Variants in ZNF10 observed in about 807,000 individuals in gnomAD.
ZNF10 encodes the protein zinc finger protein 10.
A neutral mutation model predicts 12.2 loss-of-function variants in ZNF10; 8 were observed. That is an observed-to-expected ratio of 0.66 (90% CI 0.39 to 1.18). The LOEUF (loss-of-function observed/expected upper bound fraction) is 1.18. Ranked by LOEUF, ZNF10 falls within the 50% of genes most tolerant of loss-of-function variation. ZNF10 has a pLI of 0.01. For missense variants in ZNF10, 603 were observed against 678.9 expected (o/e 0.89, Z 1.24); for synonymous variants, 229 against 228.2 (o/e 1.00, Z -0.03).
At chr12:133,155,087 AAAAG>A (rs924396715) in intron 4 of ZNF10, among the ~76,000 whole-genome samples, 7 of 152,182 alleles carry the variant, frequency 4.6e-5, no homozygotes, top group South Asian at 2.1e-4. Context: ...AAAAAAAAAA[AAAAG>A]AGAGAGAATA....
chr12:133,148,309 C>G (rs1035807076), intron 2 of ZNF10, among the ~76,000 whole-genome samples: 1 of 151,984 alleles, frequency 6.6e-6, no homozygotes, highest in Non-Finnish European at 1.5e-5. Context: ...TTAGTAGAAA[C>G]GGCATTTCAC....
intron 4 of ZNF10, 21 bp from the exon 5 acceptor site, chr12:133,155,482 A>G: frequency 6.4e-7 from 1 of 1,558,124 alleles, no homozygotes; most frequent in Non-Finnish European, 8.6e-7. Flanking sequence ...TAGTTACACA[A>G]ACATTTTTCA....
chr12:133,130,714 G>A lies in ZNF10; in HGVS notation c.-100G>A, dbSNP rs1050399443. 2 of 152,510 alleles carry A rather than the reference G, an allele frequency of 1.3e-5. No homozygotes were observed. The highest frequency in any genetic ancestry group is 2.9e-5 in the Non-Finnish European group (2 of 68,110). The allele number at this position is 152,510 out of a possible 1,614,324, so 9.4% of individuals were successfully genotyped here. ...GCTGTTGCTGCTGCCTTTGTGACGG[G>A]ATCGCTTTCTCCCATCGAACCTTCT... On this transcript the variant is annotated 5_prime_UTR_variant, in exon 1 of 5. Coordinates refer to ENST00000248211, the MANE Select transcript of ZNF10 (RefSeq NM_015394.5).
intron 4 of ZNF10, among the ~76,000 whole-genome samples, chr12:133,152,199 A>G (rs572701222): frequency 1.3e-5 from 2 of 152,144 alleles, no homozygotes; most frequent in Admixed American, 6.5e-5. Context: ...CACTTCTTGC[A>G]TTTTTGCCTC....
intron 1 of ZNF10, among the ~76,000 whole-genome samples, chr12:133,139,883 G>A (rs953541144): frequency 1.3e-5 from 2 of 151,948 alleles, no homozygotes; most frequent in African/African-American, 4.8e-5. Flanking sequence ...AACATAATGA[G>A]ACCCCTATCG....
At chr12:133,139,100 G>A (rs1955929635) in intron 1 of ZNF10, 1 of 152,204 alleles carries the variant, frequency 6.6e-6, no homozygotes, top group South Asian at 2.1e-4. Context: ...TGTACCTGAT[G>A]TCAGAAACTT....
Position 133,156,606 on chromosome 12 carries a change from AC to A in ZNF10, c.1363del (p.His455ThrfsTer79). 8 of 1,614,062 alleles carry A rather than the reference AC, an allele frequency of 5.0e-6. No individual in the cohort carries two copies. Among genetic ancestry groups the A allele is most frequent in the Non-Finnish European group, 6.8e-6 (8 of 1,179,998 alleles). On this transcript the variant is annotated frameshift_variant, in exon 5 of 5. Coordinates refer to ENST00000248211, the MANE Select transcript of ZNF10 (RefSeq NM_015394.5). LOFTEE classifies it low-confidence loss of function (END_TRUNC). ...RSSHLYSHQR[T>X]HTGEKPYECH... Reference sequence around the variant, plus strand: ...CTCTCACCTTTATTCACATCAAAGAACCCACACTGGAGAGAAACCATATGAG... The same window carrying A: ...CTCTCACCTTTATTCACATCAAAGAACCACACTGGAGAGAAACCATATGAG...
Position 133,158,665 on chromosome 12 carries a change from A to G in ZNF10, c.*1697A>G, listed in dbSNP as rs558112943. The G allele has an allele frequency of 6.6e-6, 1 of 152,328 alleles. No individual in the cohort carries two copies. The highest frequency in any genetic ancestry group is 2.1e-4 in the South Asian group (1 of 4,828). The allele number at this position is 152,328 out of a possible 1,614,324, so 9.4% of individuals were successfully genotyped here. ...TGACCATGATTCTCCATTTTCTGGC[A>G]TAAATATTAGCTGCTCAATGATTGA... On this transcript the variant is annotated 3_prime_UTR_variant, in exon 5 of 5. Transcript: ENST00000248211.
chr12:133,144,585 G>T, intron 2 of ZNF10, 60 bp downstream of exon 2: 1 of 1,514,726 alleles, frequency 6.6e-7, no homozygotes, highest in South Asian at 1.2e-5. Flanking sequence ...TAGTTCCTTT[G>T]CCAAAGATCT....
intron 1 of ZNF10, among the ~76,000 whole-genome samples, chr12:133,131,574 G>A (rs1173409835): frequency 1.3e-5 from 2 of 151,704 alleles, no homozygotes; most frequent in South Asian, 2.1e-4. Context: ...TTAGGTCTCC[G>A]AGAACTGGAT....
In ZNF10 at chr12:133,156,892, A is replaced by G; in HGVS notation, c.1646A>G (p.Gln549Arg). 1 of 1,515,062 alleles carries G rather than the reference A, an allele frequency of 6.6e-7. No homozygotes were observed. Among genetic ancestry groups the G allele is most frequent in the Non-Finnish European group, 8.8e-7 (1 of 1,133,658 alleles). 93.9% of individuals were successfully genotyped at this position (1,515,062 alleles called of 1,614,324 possible). ...GGAGAGCAGTTCTTAACATGCAATC[A>G]ATGTGGGACAGCGCTTGTTAATACC... ...HTGEQFLTCNQCGTALVNTSN... is the reference protein window; with the variant it reads ...HTGEQFLTCNRCGTALVNTSN... Residue 549 changes from glutamine to arginine, a missense_variant, in exon 5 of 5, where the codon CAA becomes CGA. Around this residue, in one of 3 missense-constraint regions of ZNF10, gnomAD observed 204 missense variants for 262.8 expected, o/e 0.78. Transcript: ENST00000248211.
At chr12:133,142,519 C>T (rs1955951889) in intron 1 of ZNF10, among the ~76,000 whole-genome samples, 2 of 151,746 alleles carry the variant, frequency 1.3e-5, no homozygotes, top group East Asian at 3.9e-4. Flanking sequence ...ATACACACAG[C>T]CCAATTGTAA....
chr12:133,151,411 C>T (rs143195463), intron 3 of ZNF10, among the ~76,000 whole-genome samples: 485 of 152,036 alleles, frequency 3.2e-3, no homozygotes, highest in African/African-American at 0.011. Context: ...TTTGGGAGGC[C>T]GAGGTGAGCA....
intron 1 of ZNF10, among the ~76,000 whole-genome samples, chr12:133,138,347 T>C (rs1286945458): frequency 6.6e-6 from 1 of 151,118 alleles, no homozygotes; most frequent in African/African-American, 2.4e-5. Context: ...TGAGATCCTA[T>C]TGAAAATTTA....
intron 2 of ZNF10, among the ~76,000 whole-genome samples, chr12:133,145,817 C>A (rs1436775476): frequency 4.2e-5 from 6 of 142,408 alleles, no homozygotes; most frequent in Non-Finnish European, 3.1e-5. Flanking sequence ...CCCCCCACCC[C>A]CACAAAAAGA....
chr12:133,154,649 C>T (rs11615281), intron 4 of ZNF10, among the ~76,000 whole-genome samples: 27,712 of 152,188 alleles, frequency 0.18, 3,234 homozygotes, highest in Non-Finnish European at 0.26. Context: ...AACTTTTGTG[C>T]AGTTACTCTT....
intron 1 of ZNF10, among the ~76,000 whole-genome samples, chr12:133,131,534 C>G (rs1372007989): frequency 6.6e-6 from 1 of 151,690 alleles, no homozygotes; most frequent in Admixed American, 6.6e-5. Context: ...TGCCAGCCAA[C>G]AAGTGTTATT....
intron 1 of ZNF10, among the ~76,000 whole-genome samples, chr12:133,140,340 C>T (rs1039454035): frequency 2.0e-5 from 3 of 151,304 alleles, no homozygotes; most frequent in Admixed American, 6.6e-5. Flanking sequence ...ATCATGCCAC[C>T]GCACTCCGGC....
chr12:133,142,614 C>T (rs1955952528), intron 1 of ZNF10, among the ~76,000 whole-genome samples: 1 of 151,864 alleles, frequency 6.6e-6, no homozygotes, highest in African/African-American at 2.4e-5. Flanking sequence ...CATCATCACT[C>T]GTTAGGGAAA....
Sources: gnomAD v4.1 joint callset for allele counts (sites outside exome capture counted in the v4.1 genomes callset) on GRCh38, gnomAD v4.1.1 for gene constraint, gnomAD v4.1.1 regional missense constraint, MANE v1.5 for transcripts, NCBI Gene and HGNC (gene_info 2026-07-23, HGNC 2026-07-21) for gene names.